Variants in LIMS1 observed in about 807,000 individuals in gnomAD.
LIMS1 encodes LIM and senescent cell antigen-like-containing domain protein 1.
A neutral mutation model predicts 44.1 loss-of-function variants in LIMS1; 18 were observed. That is an observed-to-expected ratio of 0.41 (90% CI 0.28 to 0.61). LIMS1 has a LOEUF of 0.61. Ranked by LOEUF, LIMS1 falls within the 20% of genes least tolerant of loss-of-function variation. LIMS1 has a pLI of 0.32. For missense variants in LIMS1, 201 were observed against 422.0 expected (o/e 0.48, Z 4.59); for synonymous variants, 93 against 149.1 (o/e 0.62, Z 2.74).
intron 1 of LIMS1, among the ~76,000 whole-genome samples, chr2:108,594,087 G>T (rs553606653): frequency 6.6e-6 from 1 of 152,150 alleles, no homozygotes; most frequent in Admixed American, 6.5e-5. Flanking sequence ...CCAGAATTTT[G>T]AGATTAATTT....
chr2:108,650,376 G>T (rs1056721016), intron 1 of LIMS1, among the ~76,000 whole-genome samples: 1 of 151,618 alleles, frequency 6.6e-6, no homozygotes, highest in Non-Finnish European at 1.5e-5. Flanking sequence ...TAGTCTTTTT[G>T]GGAGAATTGT....
At chr2:108,609,881 G>A (rs1687494024) in intron 1 of LIMS1, among the ~76,000 whole-genome samples, 1 of 152,102 alleles carries the variant, frequency 6.6e-6, no homozygotes, top group Non-Finnish European at 1.5e-5. Context: ...GGTGGCTCAT[G>A]CCTGTAATCC....
intron 1 of LIMS1, among the ~76,000 whole-genome samples, chr2:108,639,449 C>T (rs1395622183): frequency 6.6e-6 from 1 of 152,142 alleles, no homozygotes; most frequent in East Asian, 1.9e-4. Flanking sequence ...TATATGTGTA[C>T]ATGTTTTTGT....
Position 108,667,114 on chromosome 2 carries a change from C to G in LIMS1, c.193-3667C>G, listed in dbSNP as rs544409975. Reference sequence around the variant, plus strand: ...GGCTGAAAACCCCAACCATCCGATTCTGCCTTGGTCTTTCTGGTAACCAGT... The same window carrying G: ...GGCTGAAAACCCCAACCATCCGATTGTGCCTTGGTCTTTCTGGTAACCAGT... On this transcript the variant is annotated intron_variant, in intron 2 of 9. Transcript: ENST00000544547. 5.0e-3 allele frequency among the ~76,000 whole-genome samples: 763 copies of G among 152,172 alleles called. 6 individuals carry two copies. The highest frequency in any genetic ancestry group is 0.017 in the African/African-American group (724 of 41,518).
At chr2:108,675,652 C>G (rs1218737968) in intron 5 of LIMS1, among the ~76,000 whole-genome samples, 2 of 152,074 alleles carry the variant, frequency 1.3e-5, no homozygotes, top group Admixed American at 6.5e-5. Flanking sequence ...TGTATCTGAC[C>G]TAGTCTTGCA....
intron 1 of LIMS1, among the ~76,000 whole-genome samples, chr2:108,647,043 A>G (rs1690118860): frequency 6.6e-6 from 1 of 152,174 alleles, no homozygotes; most frequent in African/African-American, 2.4e-5. Context: ...TTTTGAAAAG[A>G]TCAACAAAAT....
intron 5 of LIMS1, among the ~76,000 whole-genome samples, chr2:108,674,287 A>G (rs548808866): frequency 7.5e-4 from 113 of 151,658 alleles, no homozygotes; most frequent in Non-Finnish European, 1.3e-3. Flanking sequence ...CTGAGATCGC[A>G]CCACTGCACT....
chr2:108,630,192 CAAAAAAAA>C (rs59941456), intron 1 of LIMS1, among the ~76,000 whole-genome samples: 9 of 103,952 alleles, frequency 8.7e-5, no homozygotes, highest in African/African-American at 1.2e-4. Flanking sequence ...GACCCTGTCT[CAAAAAAAA>C]AAAAAAAAAA....
intron 1 of LIMS1, among the ~76,000 whole-genome samples, chr2:108,563,098 C>A (rs1431960845): frequency 1.3e-5 from 2 of 152,222 alleles, no homozygotes; most frequent in East Asian, 1.9e-4. Context: ...ACTGTTGAGA[C>A]CTGCTCAGAA....
chr2:108,547,582 A>G (rs1157658023), intron 1 of LIMS1, among the ~76,000 whole-genome samples: 3 of 152,214 alleles, frequency 2.0e-5, no homozygotes, highest in Non-Finnish European at 4.4e-5. Flanking sequence ...GTGTCCTAGA[A>G]GCTAAAGCAT....
downstream of LIMS1, chr2:108,687,238 TAAC>T (rs1422557458): frequency 1.3e-5 from 2 of 152,220 alleles, no homozygotes; most frequent in Non-Finnish European, 2.9e-5. Flanking sequence ...TTATAATTGT[TAAC>T]AATAACCTGT....
intron 1 of LIMS1, among the ~76,000 whole-genome samples, chr2:108,630,305 C>T (rs1308641499): frequency 2.0e-5 from 3 of 152,014 alleles, no homozygotes; most frequent in African/African-American, 7.3e-5. Context: ...AGTGAGCCTC[C>T]TTCGAAATTC....
At chr2:108,629,607 G>C (rs1688780251) in intron 1 of LIMS1, among the ~76,000 whole-genome samples, 1 of 152,192 alleles carries the variant, frequency 6.6e-6, no homozygotes, top group Non-Finnish European at 1.5e-5. Context: ...CCTTTAATGA[G>C]CTTGTTTAGT....
chr2:108,585,131 A>G (rs1686043852), intron 1 of LIMS1, among the ~76,000 whole-genome samples: 1 of 145,204 alleles, frequency 6.9e-6, no homozygotes, highest in Non-Finnish European at 1.5e-5. Flanking sequence ...AGCCTGGGCA[A>G]CAGAGCATGA....
At chr2:108,572,301 C>G (rs1046975479) in intron 1 of LIMS1, among the ~76,000 whole-genome samples, 1 of 151,736 alleles carries the variant, frequency 6.6e-6, no homozygotes, top group African/African-American at 2.4e-5. Flanking sequence ...AAGTTCTGAC[C>G]CATGAGGTTG....
At chr2:108,644,577 G>GA (rs1689933870) in intron 1 of LIMS1, among the ~76,000 whole-genome samples, 1 of 152,062 alleles carries the variant, frequency 6.6e-6, no homozygotes, top group African/African-American at 2.4e-5. Context: ...CCAAAAACCA[G>GA]AACACCTCTT....
chr2:108,634,616 A>C (rs1689111038), intron 1 of LIMS1, among the ~76,000 whole-genome samples: 1 of 152,258 alleles, frequency 6.6e-6, no homozygotes, highest in Non-Finnish European at 1.5e-5. Flanking sequence ...GACGCCACAC[A>C]CATCAGTGTT....
At chr2:108,618,380 G>A (rs1435234283) in intron 1 of LIMS1, among the ~76,000 whole-genome samples, 1 of 152,154 alleles carries the variant, frequency 6.6e-6, no homozygotes, top group Non-Finnish European at 1.5e-5. Flanking sequence ...AGGAAAAATA[G>A]ATGGGGACTC....
At chr2:108,663,704 C>A (rs1478673086) in intron 2 of LIMS1, among the ~76,000 whole-genome samples, 2 of 151,886 alleles carry the variant, frequency 1.3e-5, no homozygotes, top group Non-Finnish European at 2.9e-5. Context: ...CCCTTTTTTC[C>A]CATCACAAAA....
Sources: gnomAD v4.1 joint callset for allele counts (sites outside exome capture counted in the v4.1 genomes callset) on GRCh38, gnomAD v4.1.1 for gene constraint, MANE v1.5 for transcripts, NCBI Gene and HGNC (gene_info 2026-07-23, HGNC 2026-07-21) for gene names.